Variants in GALNT14 observed in about 807,000 individuals in gnomAD.
GALNT14 encodes polypeptide N-acetylgalactosaminyltransferase 14.
GALNT14 carries 60 observed loss-of-function variants against 77.5 expected under a neutral mutation model. That is an observed-to-expected ratio of 0.77 (90% confidence interval 0.63 to 0.96). GALNT14 has a LOEUF of 0.96. Among genes scored for constraint, GALNT14 ranks in the 40% least tolerant of loss-of-function variants. The pLI is 0.00. For synonymous variants in GALNT14, 280 were observed against 281.7 expected (o/e 0.99, Z 0.06); for missense variants, 710 against 731.0 (o/e 0.97, Z 0.33).
chr2:31,059,058 T>C (rs957709226), intron 1 of GALNT14, among the ~76,000 whole-genome samples: 1 of 152,180 alleles, frequency 6.6e-6, no homozygotes, highest in Non-Finnish European at 1.5e-5. Flanking sequence ...GTGGTTTCAA[T>C]GTGTAATTTA....
intron 1 of GALNT14, among the ~76,000 whole-genome samples, chr2:31,130,783 T>C (rs71444481): frequency 0.086 from 10,179 of 118,354 alleles, 641 homozygotes; most frequent in African/African-American, 0.22. Flanking sequence ...TGTGTGTGTG[T>C]GCGCGCGCAC....
At position 31,013,221 on chromosome 2, in the gene GALNT14, C is replaced by G. The variant is rs12616081; in HGVS notation, c.130-20214G>C. Among the ~76,000 whole-genome samples, 91 of 152,216 alleles carry G rather than the reference C, an allele frequency of 6.0e-4. 1 individual carries two copies. The East Asian group carries it at 0.017, about 28-fold the overall frequency. ...ATCCAACATCAGAAAACTGGTGAAC[C>G]TGAAGCAGAGAAACAGATGGAACAC... On this transcript the variant is annotated intron_variant, in intron 1 of 14. Transcript: ENST00000349752.
At chr2:30,918,262 T>C (rs1664806606) in intron 13 of GALNT14, among the ~76,000 whole-genome samples, 1 of 152,340 alleles carries the variant, frequency 6.6e-6, no homozygotes, top group Non-Finnish European at 1.5e-5. Context: ...GTCATGTTGT[T>C]GGATCCTGGG....
chr2:30,942,967 A>G (rs1666470974), intron 8 of GALNT14, among the ~76,000 whole-genome samples: 1 of 152,198 alleles, frequency 6.6e-6, no homozygotes, highest in Non-Finnish European at 1.5e-5. Flanking sequence ...CCTTATAAAA[A>G]GGGGAAATTT....
intron 1 of GALNT14, among the ~76,000 whole-genome samples, chr2:31,128,241 G>T (rs73921505): frequency 0.044 from 6,728 of 152,160 alleles, 272 homozygotes; most frequent in African/African-American, 0.11. Context: ...GGCCACCAAC[G>T]AGACAGAACT....
intron 13 of GALNT14, among the ~76,000 whole-genome samples, chr2:30,913,743 T>C (rs1388512766): frequency 2.6e-5 from 4 of 152,112 alleles, no homozygotes; most frequent in East Asian, 3.9e-4. Flanking sequence ...ACTGTTGGTG[T>C]TGGGAGAAGA....
At chr2:31,067,445 C>T (rs1311570865) in intron 1 of GALNT14, among the ~76,000 whole-genome samples, 3 of 152,108 alleles carry the variant, frequency 2.0e-5, no homozygotes, top group Non-Finnish European at 2.9e-5. Flanking sequence ...ACGACATCCC[C>T]GGACTTTGCA....
At chr2:30,939,286 G>GC (rs1666236343) in intron 9 of GALNT14, among the ~76,000 whole-genome samples, 1 of 152,196 alleles carries the variant, frequency 6.6e-6, no homozygotes, top group Non-Finnish European at 1.5e-5. Context: ...GTAGGGCAGG[G>GC]AAAGCTTTCT....
At chr2:30,925,225 C>G (rs762175709) in intron 11 of GALNT14, among the ~76,000 whole-genome samples, 2 of 152,206 alleles carry the variant, frequency 1.3e-5, no homozygotes, top group Non-Finnish European at 2.9e-5. Context: ...CTCCCCGCTG[C>G]CCCAGTCTCA....
chr2:30,931,516 C>A (rs981973644), intron 10 of GALNT14, among the ~76,000 whole-genome samples: 12 of 152,040 alleles, frequency 7.9e-5, no homozygotes, highest in African/African-American at 2.9e-4. Context: ...TAAGAACCAC[C>A]CCCCAGACAG....
the GALNT14 span, among the ~76,000 whole-genome samples, chr2:30,892,184 G>A: frequency 6.6e-6 from 1 of 152,118 alleles, no homozygotes; most frequent in Non-Finnish European, 1.5e-5. Flanking sequence ...ACAAATTTGA[G>A]AAAATCTTCC....
chr2:30,925,935 G>A (rs1193241785), intron 11 of GALNT14, among the ~76,000 whole-genome samples: 4 of 152,190 alleles, frequency 2.6e-5, no homozygotes, highest in Non-Finnish European at 5.9e-5. Flanking sequence ...GGAAGTGGGG[G>A]TGGGAATGAA....
intron 1 of GALNT14, among the ~76,000 whole-genome samples, chr2:31,057,485 C>T (rs1016327035): frequency 6.7e-5 from 10 of 148,378 alleles, no homozygotes; most frequent in Admixed American, 1.3e-4. Context: ...AAATGTAAAG[C>T]TGGGCCAAGC....
chr2:31,028,037 G>C (rs1672179694), intron 1 of GALNT14, among the ~76,000 whole-genome samples: 1 of 152,118 alleles, frequency 6.6e-6, no homozygotes, highest in South Asian at 2.1e-4. Context: ...TATAACGCAT[G>C]CAAGTGTGCT....
At chr2:30,905,078 G>C in the GALNT14 span, among the ~76,000 whole-genome samples, 1 of 152,158 alleles carries the variant, frequency 6.6e-6, no homozygotes, top group South Asian at 2.1e-4. Context: ...CATCATCAAA[G>C]ACCAAAAGTA....
chr2:30,951,208 T>G (rs185499687), intron 6 of GALNT14, among the ~76,000 whole-genome samples: 1 of 152,338 alleles, frequency 6.6e-6, no homozygotes, highest in East Asian at 1.9e-4. Flanking sequence ...GGTATACACA[T>G]GCCATGGAAT....
At chr2:31,088,553 C>T (rs114493920) in intron 1 of GALNT14, among the ~76,000 whole-genome samples, 3,098 of 152,284 alleles carry the variant, frequency 0.02, 104 homozygotes, top group African/African-American at 0.065. Context: ...ACACAACCCA[C>T]AACTTGGAGC....
chr2:30,936,849 C>T (rs1360803674), intron 9 of GALNT14, among the ~76,000 whole-genome samples: 1 of 152,138 alleles, frequency 6.6e-6, no homozygotes, highest in Non-Finnish European at 1.5e-5. Flanking sequence ...TCTGCAATGC[C>T]CATACGACTG....
intron 1 of GALNT14, among the ~76,000 whole-genome samples, chr2:31,090,481 C>CT (rs70962302): frequency 0.025 from 2,291 of 93,202 alleles, 108 homozygotes; most frequent in Admixed American, 0.044. Context: ...GTCCCTTCAT[C>CT]TTTTTTTTTT....
Sources: allele counts gnomAD v4.1 joint callset (sites outside exome capture counted in the v4.1 genomes callset), GRCh38; gene constraint gnomAD v4.1.1; transcripts MANE v1.5; gene names NCBI Gene and HGNC (gene_info 2026-07-23, HGNC 2026-07-21).